The following XIRP2 variants were observed in gnomAD, a reference collection of about 807,000 sequenced individuals.
The protein encoded by XIRP2 is xin actin-binding repeat-containing protein 2.
Under a neutral mutation model 277.0 loss-of-function variants are expected in XIRP2, and 236 were observed. The ratio of observed to expected loss-of-function variants is 0.85; its 90% CI spans 0.77 to 0.95. The LOEUF (loss-of-function observed/expected upper bound fraction) is 0.95. Ranked by LOEUF, XIRP2 falls within the 40% of genes least tolerant of loss-of-function variation. XIRP2 has a pLI of 0.00. For missense variants in XIRP2, 4,640 were observed against 4,157.5 expected (o/e 1.12, Z -3.19); for synonymous variants, 1,490 against 1,416.5 (o/e 1.05, Z -1.17).
At chr2:166,913,048 G>T (rs1000031606) in intron 2 of XIRP2, among the ~76,000 whole-genome samples, 2 of 152,196 alleles carry the variant, frequency 1.3e-5, no homozygotes, top group African/African-American at 4.8e-5. Flanking sequence ...CTACTCAGGG[G>T]TCAGGGACCC....
At chr2:167,102,947 T>C (rs1690522694) in intron 2 of XIRP2, among the ~76,000 whole-genome samples, 1 of 152,154 alleles carries the variant, frequency 6.6e-6, no homozygotes, top group Non-Finnish European at 1.5e-5. Flanking sequence ...AAAAGACTAA[T>C]TGTTGTAAAT....
chr2:166,926,527 T>C (rs1310627015), intron 2 of XIRP2, among the ~76,000 whole-genome samples: 1 of 152,122 alleles, frequency 6.6e-6, no homozygotes, highest in Non-Finnish European at 1.5e-5. Flanking sequence ...TCTGCCTTTA[T>C]AACAAATATC....
At position 167,249,535 on chromosome 2, in the gene XIRP2, C is replaced by T. The variant is rs745795677; in HGVS notation, c.8143C>T (p.Leu2715Phe). 24 of 1,613,628 alleles carry T rather than the reference C, an allele frequency of 1.5e-5. No homozygotes were observed. Among genetic ancestry groups the T allele is most frequent in the Non-Finnish European group, 1.9e-5 (23 of 1,179,834 alleles). ...SPNFKVKTIKLPTLDHTLNET... is the reference protein window; with the variant it reads ...SPNFKVKTIKFPTLDHTLNET... ...AAATTTCAAAGTTAAAACCATCAAA[C>T]TTCCAACTCTAGATCATACATTAAA... The change falls in exon 9 of 11, where the codon CTT (leucine) becomes TTT (phenylalanine). Residue 2715 changes from leucine to phenylalanine, a missense_variant. Transcript: ENST00000409195.
chr2:167,210,676 A>G lies in XIRP2; in HGVS notation c.563-59A>G, dbSNP rs938668221. 21 of 1,587,238 alleles carry G rather than the reference A, an allele frequency of 1.3e-5. No homozygotes were observed. The Admixed American group carries it at 1.5e-4, about 12-fold the overall frequency. ...TAAATGCTTCACCATTTATAAGGTGATGCTGTTTTCTTCTTAAAGCTTAAC... is the reference window on the plus strand; with the variant it reads ...TAAATGCTTCACCATTTATAAGGTGGTGCTGTTTTCTTCTTAAAGCTTAAC... On this transcript the variant is annotated intron_variant, in intron 3 of 10. Coordinates refer to ENST00000409195, the MANE Select transcript of XIRP2 (RefSeq NM_152381.6).
intron 2 of XIRP2, among the ~76,000 whole-genome samples, chr2:167,010,020 G>C (rs577875126): frequency 6.6e-6 from 1 of 152,184 alleles, no homozygotes; most frequent in Admixed American, 6.5e-5. Flanking sequence ...TAGGTTGCCT[G>C]TTCACGCTGA....
At chr2:166,911,554 T>A (rs1248597913) in intron 2 of XIRP2, among the ~76,000 whole-genome samples, 2 of 152,336 alleles carry the variant, frequency 1.3e-5, no homozygotes, top group East Asian at 3.9e-4. Context: ...GGGTCTTGAC[T>A]CTTCATCCAA....
At chr2:166,934,688 A>G (rs1024100585) in intron 2 of XIRP2, among the ~76,000 whole-genome samples, 6 of 152,074 alleles carry the variant, frequency 3.9e-5, no homozygotes, top group Non-Finnish European at 8.8e-5. Flanking sequence ...TTTGCCACCT[A>G]TGGACACACC....
chr2:167,084,337 T>A (rs1011026946), intron 2 of XIRP2, among the ~76,000 whole-genome samples: 1 of 152,024 alleles, frequency 6.6e-6, no homozygotes, highest in African/African-American at 2.4e-5. Context: ...GCTGGATTCG[T>A]TTTGCCAGTA....
At chr2:166,900,942 A>G (rs1684372342) in intron 1 of XIRP2, among the ~76,000 whole-genome samples, 1 of 152,166 alleles carries the variant, frequency 6.6e-6, no homozygotes, top group South Asian at 2.1e-4. Flanking sequence ...AAGTGGGAAC[A>G]AAAATCCTGG....
intron 2 of XIRP2, among the ~76,000 whole-genome samples, chr2:167,007,428 GA>G (rs1182269829): frequency 5.9e-5 from 9 of 151,478 alleles, no homozygotes; most frequent in Admixed American, 5.3e-4. Context: ...GGATATCTCA[GA>G]AAAAATGACA....
Position 167,250,712 on chromosome 2 carries a change from G to C in XIRP2, c.9320G>C (p.Ser3107Thr). The C allele has an allele frequency of 1.2e-6, 2 of 1,613,566 alleles. No homozygotes were observed. Among genetic ancestry groups the C allele is most frequent in the Non-Finnish European group, 1.7e-6 (2 of 1,179,752 alleles). Residue 3107 changes from serine (S) to threonine (T), a missense_variant, in exon 9 of 11, where the codon AGC becomes ACC. Physicochemically the swap from Ser to Thr is moderately conservative, Grantham distance 58. Transcript: ENST00000409195. Reference protein sequence around the residue: ...KTHQEIKLDDSNIPPPSLKTR... With the variant: ...KTHQEIKLDDTNIPPPSLKTR... ...CATCAGGAAATTAAACTTGATGATAGCAACATTCCTCCTCCCTCTTTAAAA... is the reference window on the plus strand; with the variant it reads ...CATCAGGAAATTAAACTTGATGATACCAACATTCCTCCTCCCTCTTTAAAA...
intron 2 of XIRP2, among the ~76,000 whole-genome samples, chr2:166,961,886 T>A (rs772116842): frequency 9.2e-5 from 14 of 151,756 alleles, no homozygotes; most frequent in Non-Finnish European, 1.3e-4. Flanking sequence ...AATAAGCTAC[T>A]TTGAAAATAT....
chr2:166,892,876 G>A (rs1011596415), intron 1 of XIRP2, among the ~76,000 whole-genome samples: 11 of 147,918 alleles, frequency 7.4e-5, no homozygotes, highest in Non-Finnish European at 1.5e-4. Context: ...ATGTATGTGT[G>A]TATATATGTA....
Position 167,250,087 on chromosome 2 carries a change from C to T in XIRP2, c.8695C>T (p.Leu2899Phe), listed in dbSNP as rs1349136959. The T allele has an allele frequency of 1.2e-6, 2 of 1,613,346 alleles. No homozygotes were observed. The highest frequency in any genetic ancestry group is 3.3e-5 in the Admixed American group (2 of 59,938). ...PYNSLQEEKC[L>F]EVKGIQEKQV... ...TAATAGTCTGCAGGAAGAAAAATGT[C>T]TCGAAGTCAAGGGCATACAAGAGAA... is the stretch of plus-strand genomic sequence containing the variant. The change falls in exon 9 of 11, where the codon CTC (leucine) becomes TTC (phenylalanine). Residue 2899 changes from leucine to phenylalanine, a missense_variant. Leu to Phe is a conservative substitution (Grantham distance 22, BLOSUM62 0). Transcript: ENST00000409195.
chr2:167,115,404 C>A (rs557434527), intron 2 of XIRP2, among the ~76,000 whole-genome samples: 1 of 152,258 alleles, frequency 6.6e-6, no homozygotes, highest in Admixed American at 6.5e-5. Flanking sequence ...CTAATGCATT[C>A]ATTTAGAGGA....
At chr2:167,147,585 A>C (rs186409055) in intron 3 of XIRP2, among the ~76,000 whole-genome samples, 1 of 152,304 alleles carries the variant, frequency 6.6e-6, no homozygotes, top group East Asian at 1.9e-4. Context: ...GGCTAGAATG[A>C]GCTTCCCTGG....
intron 3 of XIRP2, among the ~76,000 whole-genome samples, chr2:167,169,940 C>G (rs967740398): frequency 3.3e-5 from 5 of 152,042 alleles, no homozygotes; most frequent in Non-Finnish European, 5.9e-5. Context: ...GTAAGGCACT[C>G]TAATATGATA....
chr2:167,181,104 A>G (rs1429932), intron 3 of XIRP2, among the ~76,000 whole-genome samples: 15,020 of 152,188 alleles, frequency 0.099, 792 homozygotes, highest in South Asian at 0.15. Context: ...ACCTAACAAC[A>G]CATCCCTATC....
chr2:167,088,919 C>G (rs1015311069), intron 2 of XIRP2, among the ~76,000 whole-genome samples: 1 of 152,166 alleles, frequency 6.6e-6, no homozygotes, highest in African/African-American at 2.4e-5. Flanking sequence ...ATTTCATTCT[C>G]TGTCTTCCCT....
Sources: allele counts gnomAD v4.1 joint callset (sites outside exome capture counted in the v4.1 genomes callset), GRCh38; gene constraint gnomAD v4.1.1; transcripts MANE v1.5; gene names NCBI Gene and HGNC (gene_info 2026-07-23, HGNC 2026-07-21).